The following CAMSAP1 variants were observed in gnomAD, a reference collection of about 807,000 sequenced individuals.
The protein encoded by CAMSAP1 is calmodulin-regulated spectrin-associated protein 1.
CAMSAP1 carries 58 observed loss-of-function variants against 143.5 expected under a neutral mutation model. The observed-to-expected ratio is 0.40, with a 90% CI of 0.33 to 0.50. The LOEUF (loss-of-function observed/expected upper bound fraction) is 0.50, where lower values mean the gene tolerates loss of function less well. CAMSAP1 is among the 20% of genes least tolerant of loss of function. The probability of loss-of-function intolerance (pLI) is 0.45; values close to 1 mark genes in which losing one functional copy is unlikely to be tolerated. For synonymous variants in CAMSAP1, 945 were observed against 859.3 expected (o/e 1.10, Z -1.74); for missense variants, 1,969 against 2,115.7 (o/e 0.93, Z 1.36).
At position 135,818,655 on chromosome 9, in the gene CAMSAP1, G is replaced by C. The variant is rs1835330199; in HGVS notation, c.3960-39C>G. On this transcript the variant is annotated intron_variant, in intron 12 of 16. Coordinates refer to ENST00000389532, the MANE Select transcript of CAMSAP1 (RefSeq NM_015447.4). The surrounding 1 kb of genome is among the most constrained non-coding windows in gnomAD (Gnocchi z 7.7). ...ACGCCCAGACACTGCTCGGTCACGG[G>C]GCTTCTTCCACGACGCCTGCGCCGC... The C allele has an allele frequency of 6.9e-6, 11 of 1,599,894 alleles. No homozygotes were observed. The highest frequency in any genetic ancestry group is 9.4e-6 in the Non-Finnish European group (11 of 1,171,534).
At position 135,881,718 on chromosome 9, in the gene CAMSAP1, G is replaced by A. The variant is rs1340964599; in HGVS notation, c.500C>T (p.Ala167Val). The A allele has an allele frequency of 6.4e-7, 1 of 1,551,796 alleles. No individual in the cohort carries two copies. The highest frequency in any genetic ancestry group is 8.7e-7 in the Non-Finnish European group (1 of 1,147,008). ...GAACGTTGAGAAGCGCTTGACACTG[G>A]CCACCACCTTCTCGATGCTGATCAT... ...VEMISIEKVV[A>V]SVKRFSTFSA... Residue 167 changes from alanine (A) to valine (V), a missense_variant, in exon 3 of 17, where the codon GCC becomes GTC. Transcript: ENST00000389532.
chr9:135,832,879 T>C (rs937003888), intron 7 of CAMSAP1, among the ~76,000 whole-genome samples: 4 of 152,030 alleles, frequency 2.6e-5, no homozygotes, highest in African/African-American at 4.8e-5. Context: ...ATGAAAGAAA[T>C]TGAAGACAAC....
At chr9:135,872,164 A>T (rs1445270574) in intron 3 of CAMSAP1, among the ~76,000 whole-genome samples, 3 of 152,222 alleles carry the variant, frequency 2.0e-5, no homozygotes, top group Non-Finnish European at 2.9e-5. Context: ...ATGCAAAGGA[A>T]TTAAGAACAA....
intron 7 of CAMSAP1, among the ~76,000 whole-genome samples, chr9:135,837,111 C>T (rs1253289212): frequency 3.3e-5 from 5 of 150,572 alleles, no homozygotes; most frequent in Non-Finnish European, 7.4e-5. Flanking sequence ...CAGAGACACA[C>T]GTCACCACGG....
chr9:135,819,197 G>T, intron 11 of CAMSAP1, 51 bp from the exon 12 acceptor site: 1 of 1,557,190 alleles, frequency 6.4e-7, no homozygotes, highest in Non-Finnish European at 8.7e-7. Flanking sequence ...TCAGACGCCG[G>T]ACACGGCCGC....
At position 135,907,165 on chromosome 9, in the gene CAMSAP1, G is replaced by C; in HGVS notation, c.-6C>G. ...CGGCCGCTCGCGTCCACCATCTGCA[G>C]ACAAAGGGCTGAGGCGGCGGCCCGG... On this transcript the variant is annotated 5_prime_UTR_variant, in exon 1 of 17. Transcript: ENST00000389532. 1 of 1,092,202 alleles carries C rather than the reference G, an allele frequency of 9.2e-7. No homozygotes were observed. The highest frequency in any genetic ancestry group is 1.1e-6 in the Non-Finnish European group (1 of 897,720). The allele number at this position is 1,092,202 out of a possible 1,614,324, so 67.7% of individuals were successfully genotyped here. A position where few individuals can be genotyped will look rare whatever the true frequency, so the allele number is the denominator to read the frequency against.
Position 135,818,683 on chromosome 9 carries a change from C to A in CAMSAP1, c.3960-67G>T. ...TTCTTCCACGACGCCTGCGCCGCGG[C>A]GCTCTGTCCAGGCGCGTTTCTCGGG... On this transcript the variant is annotated intron_variant, in intron 12 of 16. Transcript: ENST00000389532. This position sits in a 1 kb window ranked among gnomAD's most constrained non-coding sequence, Gnocchi z 7.7. 2 of 1,544,502 alleles carry A rather than the reference C, an allele frequency of 1.3e-6. No homozygotes were observed. Among genetic ancestry groups the A allele is most frequent in the Non-Finnish European group, 1.8e-6 (2 of 1,139,728 alleles).
At chr9:135,865,485 GTAAGCAAAGTCTTC>G in intron 4 of CAMSAP1, 1 of 891,850 alleles carries the variant, frequency 1.1e-6, no homozygotes, top group Non-Finnish European at 1.7e-6. Context: ...AGAGCCTCTG[GTAAGCAAAGTCTTC>G]TAAGTGTACG....
intron 5 of CAMSAP1, among the ~76,000 whole-genome samples, chr9:135,857,441 A>G (rs1021839584): frequency 1.3e-5 from 2 of 152,168 alleles, no homozygotes; most frequent in Non-Finnish European, 2.9e-5. Flanking sequence ...TTGCCAGAGA[A>G]TTCTAAACAA....
intron 3 of CAMSAP1, among the ~76,000 whole-genome samples, chr9:135,875,942 C>A (rs1837732892): frequency 6.6e-6 from 1 of 152,170 alleles, no homozygotes; most frequent in South Asian, 2.1e-4. Flanking sequence ...AATTGGGCTA[C>A]AAAGAAAACT....
chr9:135,865,614 A>G (rs1837348027), intron 4 of CAMSAP1, among the ~76,000 whole-genome samples: 1 of 152,200 alleles, frequency 6.6e-6, no homozygotes, highest in African/African-American at 2.4e-5. Flanking sequence ...GAAACTTGGT[A>G]TGGGCTGGGT....
At chr9:135,852,740 G>A (rs1836825089) in intron 5 of CAMSAP1, among the ~76,000 whole-genome samples, 1 of 152,188 alleles carries the variant, frequency 6.6e-6, no homozygotes. Flanking sequence ...TTTGGTATTT[G>A]TAGGGCACAT....
At chr9:135,830,883 CAAG>C (rs921221908) in intron 7 of CAMSAP1, among the ~76,000 whole-genome samples, 2 of 152,094 alleles carry the variant, frequency 1.3e-5, no homozygotes, top group African/African-American at 4.8e-5. Context: ...TTAATTACAG[CAAG>C]AAGGCCAGGC....
intron 5 of CAMSAP1, among the ~76,000 whole-genome samples, chr9:135,861,496 G>A (rs1476179497): frequency 6.6e-6 from 1 of 151,990 alleles, no homozygotes; most frequent in African/African-American, 2.4e-5. Context: ...GTAGAGACAG[G>A]GTTTCGCCAT....
Position 135,822,882 on chromosome 9 carries a change from C to A in CAMSAP1, c.1779G>T (p.Glu593Asp), listed in dbSNP as rs566966551. The stretch of plus-strand genomic sequence containing the variant: ...GCTTAAGAACTGCTGGCATCAAAGG[C>A]TCCAAGAAAAAACTGTCAGGCTTAC... ...SESKPDSFFL[E>D]PLMPAVLKPA... is the part of the protein sequence containing the mutation. The change falls in exon 11 of 17, where the codon GAG becomes GAT. Residue 593 changes from glutamate to aspartate, a missense_variant. Glu to Asp is a conservative substitution (Grantham distance 45, BLOSUM62 2). Coordinates refer to ENST00000389532, the MANE Select transcript of CAMSAP1 (RefSeq NM_015447.4). The surrounding 1 kb of genome is among the most constrained non-coding windows in gnomAD (Gnocchi z 6.1). 6.2e-7 allele frequency: 1 copy of A among 1,613,938 alleles called. No individual in the cohort carries two copies. Among genetic ancestry groups the A allele is most frequent in the Non-Finnish European group, 8.5e-7 (1 of 1,179,894 alleles).
chr9:135,824,139 ACCAGAAGGG>A lies in CAMSAP1; in HGVS notation c.1316-114_1316-106del. ...AGAAAAATGCCTCTCAAGTCAGTAC[ACCAGAAGGG>A]CCGCATGGAAAGCAGAGAGGCAAAA... On this transcript the variant is annotated intron_variant, in intron 9 of 16. Coordinates refer to ENST00000389532, the MANE Select transcript of CAMSAP1 (RefSeq NM_015447.4). This position sits in a 1 kb window ranked among gnomAD's most constrained non-coding sequence, Gnocchi z 4.1. 1 of 942,144 alleles carries A rather than the reference ACCAGAAGGG, an allele frequency of 1.1e-6. No individual in the cohort carries two copies. The highest frequency in any genetic ancestry group is 1.7e-6 in the Non-Finnish European group (1 of 600,032). The allele number at this position is 942,144 out of a possible 1,614,324, so 58.4% of individuals were successfully genotyped here.
intron 5 of CAMSAP1, among the ~76,000 whole-genome samples, chr9:135,857,008 G>T (rs1837002800): frequency 6.6e-6 from 1 of 152,184 alleles, no homozygotes; most frequent in African/African-American, 2.4e-5. Flanking sequence ...CAGGACTGTG[G>T]CTGAGGAATC....
At position 135,810,428 on chromosome 9, in the gene CAMSAP1, C is replaced by T. The variant is rs1835005753; in HGVS notation, c.*881G>A. ...CATGCTCAGAATGAAAAATATTCTA[C>T]TTTACCAAAATCTGTCTTTATTAAA... On this transcript the variant is annotated 3_prime_UTR_variant, in exon 17 of 17. Coordinates refer to ENST00000389532, the MANE Select transcript of CAMSAP1 (RefSeq NM_015447.4). 6.6e-6 allele frequency: 1 copy of T among 152,362 alleles called. No individual in the cohort carries two copies. Among genetic ancestry groups the T allele is most frequent in the Admixed American group, 6.5e-5 (1 of 15,272 alleles). 9.4% of individuals were successfully genotyped at this position (152,362 alleles called of 1,614,324 possible).
At chr9:135,881,894 T>C (rs1398993230) in intron 2 of CAMSAP1, 100 bp from the exon 3 acceptor site, 7 of 1,387,520 alleles carry the variant, frequency 5.0e-6, no homozygotes, top group Non-Finnish European at 6.9e-6. Flanking sequence ...GCCTAATTTC[T>C]TCATCCCTCG....
Sources: gnomAD v4.1 joint callset for allele counts (sites outside exome capture counted in the v4.1 genomes callset) on GRCh38, gnomAD v4.1.1 for gene constraint, Gnocchi (gnomAD v3.1) non-coding constraint, MANE v1.5 for transcripts, NCBI Gene and HGNC (gene_info 2026-07-23, HGNC 2026-07-21) for gene names.